Variants in MATR3 observed in about 807,000 individuals in gnomAD.
The protein encoded by MATR3 is matrin 3, also known as matrin-3.
MATR3 carries 4 observed loss-of-function variants against 85.5 expected under a neutral mutation model. That is an observed-to-expected ratio of 0.05 (90% CI 0.02 to 0.11). The LOEUF (loss-of-function observed/expected upper bound fraction) is 0.11. Among genes scored for constraint, MATR3 ranks in the 10% least tolerant of loss-of-function variants. MATR3 has a pLI of 1.00. For synonymous variants in MATR3, 336 were observed against 343.1 expected (o/e 0.98, Z 0.23); for missense variants, 685 against 1,016.1 (o/e 0.67, Z 4.43).
rs745440760 is a variant in MATR3 at position 139,307,737 on chromosome 5, G to T, written c.322G>T (p.Ala108Ser). 6 of 1,614,014 alleles carry T rather than the reference G, an allele frequency of 3.7e-6. No individual in the cohort carries two copies. The highest frequency in any genetic ancestry group is 5.1e-6 in the Non-Finnish European group (6 of 1,180,030). ...TCAACACCGTGGAGATGCAGACCAGGCCAGTAACATTTTGGCCAGCTTTGG... is the reference window on the plus strand; with the variant it reads ...TCAACACCGTGGAGATGCAGACCAGTCCAGTAACATTTTGGCCAGCTTTGG... Reference protein sequence around the residue: ...SSQHRGDADQASNILASFGLS... With the variant: ...SSQHRGDADQSSNILASFGLS... Residue 108 changes from alanine to serine, a missense_variant, in exon 2 of 15, where the codon GCC becomes TCC. Transcript: ENST00000394805. The surrounding 1 kb of genome is among the most constrained non-coding windows in gnomAD (Gnocchi z 4.4).
At chr5:139,323,073 A>G in intron 12 of MATR3, 106 bp downstream of exon 12, 2 of 1,123,124 alleles carry the variant, frequency 1.8e-6, no homozygotes, top group Non-Finnish European at 2.5e-6. Context: ...TTTAAATCAG[A>G]AAATAAATCA....
intron 3 of MATR3, among the ~76,000 whole-genome samples, chr5:139,286,521 A>T (rs1418453238): frequency 6.6e-6 from 1 of 151,246 alleles, no homozygotes; most frequent in Non-Finnish European, 1.5e-5. Context: ...TCTGTGGACA[A>T]GCTTCTTGAT....
intron 1 of MATR3, among the ~76,000 whole-genome samples, chr5:139,305,660 C>T (rs552396225): frequency 1.3e-5 from 2 of 152,208 alleles, no homozygotes; most frequent in Admixed American, 6.5e-5. Context: ...TTATTCTCGT[C>T]TTTATTAATC....
chr5:139,325,326 G>T, intron 12 of MATR3, 114 bp from the exon 13 acceptor site: 2 of 1,571,126 alleles, frequency 1.3e-6, no homozygotes, highest in Non-Finnish European at 1.7e-6. Context: ...GGAAGGTTTT[G>T]TCACTCTAGA....
intron 3 of MATR3, chr5:139,283,021 A>G (rs1296642677): frequency 6.6e-6 from 1 of 152,174 alleles, no homozygotes; most frequent in Non-Finnish European, 1.5e-5. Context: ...AAAACATTCC[A>G]TTTTTATTCT....
At position 139,307,178 on chromosome 5, in the gene MATR3, T is replaced by C. The variant is rs1046885476; in HGVS notation, c.-177-61T>C. Reference sequence around the variant, plus strand: ...TCAACATGATGCATAAGTTTTTTTTTCTTAAAAAAACGGCATCTGCTTAAA... The same window carrying C: ...TCAACATGATGCATAAGTTTTTTTTCCTTAAAAAAACGGCATCTGCTTAAA... On this transcript the variant is annotated intron_variant, in intron 1 of 14. Transcript: ENST00000394805. This position sits in a 1 kb window ranked among gnomAD's most constrained non-coding sequence, Gnocchi z 4.4. 8 of 1,179,262 alleles carry C rather than the reference T, an allele frequency of 6.8e-6. No homozygotes were observed. The highest frequency in any genetic ancestry group is 3.2e-5 in the African/African-American group (2 of 62,846). The allele number at this position is 1,179,262 out of a possible 1,614,324, so 73.0% of individuals were successfully genotyped here.
chr5:139,329,015 G>A (rs1297782817), intron 14 of MATR3, among the ~76,000 whole-genome samples: 5 of 151,678 alleles, frequency 3.3e-5, no homozygotes, highest in Admixed American at 6.6e-5. Flanking sequence ...AAAAAAAAAA[G>A]AATAAAAGTG....
At position 139,329,425 on chromosome 5, in the gene MATR3, G is replaced by T; in HGVS notation, c.*30G>T. On this transcript the variant is annotated 3_prime_UTR_variant, in exon 15 of 15. Transcript: ENST00000394805. ...TGCAAGGAGATTTAATGATTTCAAAGAAAATAATGGTTCTTTGTTTTTAAT... is the reference window on the plus strand; with the variant it reads ...TGCAAGGAGATTTAATGATTTCAAATAAAATAATGGTTCTTTGTTTTTAAT... 2 of 1,568,874 alleles carry T rather than the reference G, an allele frequency of 1.3e-6. No homozygotes were observed. Among genetic ancestry groups the T allele is most frequent in the South Asian group, 1.1e-5 (1 of 90,108 alleles).
intron 8 of MATR3, 136 bp downstream of exon 8, chr5:139,319,169 A>G: frequency 7.9e-7 from 1 of 1,258,674 alleles, no homozygotes; most frequent in Non-Finnish European, 1.1e-6. Context: ...TGGGAGGCCA[A>G]GGTCAGAAGG....
At chr5:139,326,945 AAT>A (rs1255171568) in intron 14 of MATR3, among the ~76,000 whole-genome samples, 1 of 152,198 alleles carries the variant, frequency 6.6e-6, no homozygotes, top group East Asian at 1.9e-4. Context: ...TTCATATTAA[AAT>A]AATTTTTAAT....
intron 14 of MATR3, among the ~76,000 whole-genome samples, chr5:139,326,878 G>A (rs745752698): frequency 1.3e-5 from 2 of 152,128 alleles, no homozygotes; most frequent in African/African-American, 2.4e-5. Context: ...TTGTTGGGCT[G>A]TACTTTCTCT....
rs770453422 is a variant in MATR3, at chr5:139,307,562, T to C, written c.147T>C (p.Thr49=). 6.2e-7 allele frequency: 1 copy of C among 1,614,188 alleles called. No individual in the cohort carries two copies. Among genetic ancestry groups the C allele is most frequent in the Non-Finnish European group, 8.5e-7 (1 of 1,180,030 alleles). Residue 49 remains threonine, a synonymous_variant, in exon 2 of 15, where the codon ACT becomes ACC. Coordinates refer to ENST00000394805, the MANE Select transcript of MATR3 (RefSeq NM_018834.6). This position sits in a 1 kb window ranked among gnomAD's most constrained non-coding sequence, Gnocchi z 4.4. ...PASLGRMNQG[T]ARLASLMNLG... ...CTCTTGGAAGGATGAACCAGGGTAC[T>C]GCACGCCTTGCTAGTTTAATGAATC...
At chr5:139,306,702 G>A (rs1754723858) in intron 1 of MATR3, among the ~76,000 whole-genome samples, 1 of 152,026 alleles carries the variant, frequency 6.6e-6, no homozygotes, top group African/African-American at 2.4e-5. Flanking sequence ...CTGTATAAAG[G>A]TCTCAGCTAT....
At chr5:139,308,373 G>T (rs778755610) in intron 2 of MATR3, 46 bp downstream of exon 2, 1 of 1,607,008 alleles carries the variant, frequency 6.2e-7, no homozygotes, top group Non-Finnish European at 8.5e-7. Flanking sequence ...ACATTGTAGT[G>T]CCTATTTACC....
At chr5:139,294,162 C>G (rs1354793679) in intron 1 of MATR3, 3 of 898,312 alleles carry the variant, frequency 3.3e-6, no homozygotes, top group Non-Finnish European at 4.4e-6. Flanking sequence ...GGCGGGACGA[C>G]TAGCCCGTTA....
At chr5:139,318,817 G>T in intron 7 of MATR3, 91 bp from the exon 8 acceptor site, 1 of 1,139,570 alleles carries the variant, frequency 8.8e-7, no homozygotes. Context: ...AAGATTTGGG[G>T]CATTGTTATT....
chr5:139,297,017 C>G (rs531690896), intron 1 of MATR3, among the ~76,000 whole-genome samples: 4 of 152,106 alleles, frequency 2.6e-5, no homozygotes, highest in Admixed American at 2.0e-4. Flanking sequence ...CTAAAAATTA[C>G]AAAAATTAGC....
In MATR3 at chr5:139,331,278, CAATTT is replaced by C. The variant is rs1173723226; in HGVS notation, c.*1889_*1893del. On this transcript the variant is annotated 3_prime_UTR_variant, in exon 15 of 15. Transcript: ENST00000394805. ...AAAAATCCTTGCCAGTTTACTTCTG[CAATTT>C]AATTTTAGCCTTTACTAATTACCCA... The C allele has an allele frequency of 2.2e-6, 1 of 453,980 alleles. No homozygotes were observed. Among genetic ancestry groups the C allele is most frequent in the Non-Finnish European group, 4.4e-6 (1 of 226,806 alleles). The allele number at this position is 453,980 out of a possible 1,614,324, so 28.1% of individuals were successfully genotyped here.
chr5:139,307,171 T>G lies in MATR3; in HGVS notation c.-177-68T>G. Reference sequence around the variant, plus strand: ...TTTTAAATCAACATGATGCATAAGTTTTTTTTTCTTAAAAAAACGGCATCT... The same window carrying G: ...TTTTAAATCAACATGATGCATAAGTGTTTTTTTCTTAAAAAAACGGCATCT... On this transcript the variant is annotated intron_variant, in intron 1 of 14. Coordinates refer to ENST00000394805, the MANE Select transcript of MATR3 (RefSeq NM_018834.6). The surrounding 1 kb of genome is among the most constrained non-coding windows in gnomAD (Gnocchi z 4.4). 1 of 1,148,508 alleles carries G rather than the reference T, an allele frequency of 8.7e-7. No homozygotes were observed. Among genetic ancestry groups the G allele is most frequent in the East Asian group, 4.1e-5 (1 of 24,440 alleles). 71.1% of individuals were successfully genotyped at this position (1,148,508 alleles called of 1,614,324 possible).
Sources: allele counts gnomAD v4.1 joint callset (sites outside exome capture counted in the v4.1 genomes callset), GRCh38; gene constraint gnomAD v4.1.1; non-coding constraint Gnocchi (gnomAD v3.1); transcripts MANE v1.5; gene names NCBI Gene and HGNC (gene_info 2026-07-23, HGNC 2026-07-21).